Variants in TRMT9B observed in about 807,000 individuals in gnomAD.
TRMT9B encodes probable tRNA methyltransferase 9B.
Under a neutral mutation model 11.5 loss-of-function variants are expected in TRMT9B, and 16 were observed. The observed-to-expected ratio is 1.39, with a 90% confidence interval of 0.94 to 2.11. TRMT9B has a LOEUF of 2.11. Ranked by LOEUF, TRMT9B falls within the 30% of genes most tolerant of loss-of-function variation. The pLI is 0.00. For missense variants in TRMT9B, 941 were observed against 553.8 expected (o/e 1.70, Z -7.02); for synonymous variants, 274 against 192.4 (o/e 1.42, Z -3.51).
chr8:12,984,204 G>A (rs973640479), intron 1 of TRMT9B, among the ~76,000 whole-genome samples: 1 of 152,146 alleles, frequency 6.6e-6, no homozygotes, highest in African/African-American at 2.4e-5. Context: ...CATGAATTTT[G>A]TGTTTAGACT....
At chr8:13,008,107 C>T (rs1191929025) in intron 3 of TRMT9B, among the ~76,000 whole-genome samples, 1 of 152,146 alleles carries the variant, frequency 6.6e-6, no homozygotes, top group Non-Finnish European at 1.5e-5. Context: ...GTCAATTTAC[C>T]AATGTATAAG....
Position 13,029,438 on chromosome 8 carries a change from G to C in TRMT9B, c.*7394G>C, listed in dbSNP as rs1368423246. On this transcript the variant is annotated 3_prime_UTR_variant, in exon 5 of 5. Transcript: ENST00000524591. ...AATCAATAATGTTCAGGATCTTTTT[G>C]TAGTAAGTATATTTTAAATGGTGTA... is the stretch of plus-strand genomic sequence containing the variant. 1.2e-5 allele frequency: 2 copies of C among 166,978 alleles called. No individual in the cohort carries two copies. Among genetic ancestry groups the C allele is most frequent in the Admixed American group, 1.3e-4 (2 of 15,280 alleles). 10.3% of individuals were successfully genotyped at this position (166,978 alleles called of 1,614,324 possible).
At chr8:13,020,966 T>A (rs567270404) in intron 4 of TRMT9B, 42 bp from the exon 5 acceptor site, 2 of 1,329,230 alleles carry the variant, frequency 1.5e-6, no homozygotes, top group Non-Finnish European at 1.0e-6. Flanking sequence ...TGTGGGTTTA[T>A]GTGTGTGCAT....
At chr8:12,978,116 A>G (rs1174484547) in intron 1 of TRMT9B, among the ~76,000 whole-genome samples, 3 of 152,214 alleles carry the variant, frequency 2.0e-5, no homozygotes, top group African/African-American at 7.2e-5. Flanking sequence ...AGAGAAAGCA[A>G]ATAAGCTATA....
At chr8:12,950,582 A>G (rs1292661095) in intron 1 of TRMT9B, among the ~76,000 whole-genome samples, 1 of 133,650 alleles carries the variant, frequency 7.5e-6, no homozygotes, top group African/African-American at 2.8e-5. Context: ...TGAGGCCTTT[A>G]CAGAAAAAGA....
intron 1 of TRMT9B, among the ~76,000 whole-genome samples, chr8:12,955,595 A>T (rs1202452787): frequency 6.6e-6 from 1 of 152,124 alleles, no homozygotes; most frequent in African/African-American, 2.4e-5. Flanking sequence ...TGCGAATGTC[A>T]AATAGGCACA....
chr8:12,977,968 G>A (rs951946817), intron 1 of TRMT9B, among the ~76,000 whole-genome samples: 1 of 152,208 alleles, frequency 6.6e-6, no homozygotes, highest in African/African-American at 2.4e-5. Flanking sequence ...GGTCAAGGCT[G>A]CAGTGAGCTG....
intron 1 of TRMT9B, among the ~76,000 whole-genome samples, chr8:12,981,600 ATTTATTTT>A (rs1262422922): frequency 2.7e-5 from 4 of 149,754 alleles, no homozygotes; most frequent in African/African-American, 1.0e-4. Flanking sequence ...TTATTTATTT[ATTTATTTT>A]TTTTTGATAG....
chr8:13,004,567 A>G (rs1224799211), intron 2 of TRMT9B, among the ~76,000 whole-genome samples: 1 of 152,090 alleles, frequency 6.6e-6, no homozygotes, highest in African/African-American at 2.4e-5. Context: ...ACCCTGGGCC[A>G]GAAGGCAACC....
chr8:12,989,463 G>A lies in TRMT9B; in HGVS notation c.-199-1371G>A, dbSNP rs113721879. Among the ~76,000 whole-genome samples the A allele has an allele frequency of 1.0e-2, 1,516 of 152,266 alleles. 13 individuals carry two copies. Among genetic ancestry groups the A allele is most frequent in the Non-Finnish European group, 0.015 (989 of 68,028 alleles). On this transcript the variant is annotated intron_variant, in intron 1 of 4. Transcript: ENST00000524591. ...GGTGTTTTGGGTGCCTGATTTGGGC[G>A]TATAGACAAGCCTCCTGCCCAGGTA...
rs1376199865 is a variant in TRMT9B, at chr8:13,021,105, G to T, written c.426G>T (p.Trp142Cys). Residue 142 changes from tryptophan to cysteine, a missense_variant, in exon 5 of 5, where the codon TGG (tryptophan) becomes TGT (cysteine). Transcript: ENST00000524591. ...GAGGCCAACTGATGATTTACGTTTG[G>T]GCAATGGAACAAAAGAACCGTCACT... ...VPGGQLMIYV[W>C]AMEQKNRHFE... The T allele has an allele frequency of 6.2e-7, 1 of 1,611,538 alleles. No homozygotes were observed. Among genetic ancestry groups the T allele is most frequent in the Non-Finnish European group, 8.5e-7 (1 of 1,178,578 alleles).
intron 3 of TRMT9B, 107 bp downstream of exon 3, chr8:13,006,463 G>A (rs1810494587): frequency 1.3e-6 from 2 of 1,567,474 alleles, no homozygotes; most frequent in South Asian, 2.5e-5. Flanking sequence ...CAGCCTCATT[G>A]CTGTCATAGG....
At chr8:12,998,942 G>C (rs939224399) in intron 2 of TRMT9B, among the ~76,000 whole-genome samples, 2 of 152,102 alleles carry the variant, frequency 1.3e-5, no homozygotes, top group Non-Finnish European at 2.9e-5. Flanking sequence ...TGTGGCTGTT[G>C]GATATATATG....
rs138602880 is a variant in TRMT9B, at chr8:12,948,019, G to A, written c.-200+2053G>A. 2.4e-4 allele frequency among the ~76,000 whole-genome samples: 36 copies of A among 152,330 alleles called. No individual in the cohort carries two copies. In the East Asian group the frequency reaches 5.4e-3, roughly 23 times the overall value. On this transcript the variant is annotated intron_variant, in intron 1 of 4. Transcript: ENST00000524591. ...CTAATAAAGAAACTGAGTTAACTGA[G>A]AAAGGTCATAATAATATTATATAGT...
chr8:12,988,216 C>T (rs1352379242), intron 1 of TRMT9B, among the ~76,000 whole-genome samples: 1 of 152,288 alleles, frequency 6.6e-6, no homozygotes, highest in East Asian at 1.9e-4. Flanking sequence ...GGAGCCTTCA[C>T]TCCCCCTTCC....
At chr8:12,989,248 C>T (rs1248404938) in intron 1 of TRMT9B, among the ~76,000 whole-genome samples, 1 of 152,114 alleles carries the variant, frequency 6.6e-6, no homozygotes, top group Non-Finnish European at 1.5e-5. Flanking sequence ...AAATGTGTTT[C>T]TTTCAATACT....
chr8:12,968,232 T>C (rs1303522145), intron 1 of TRMT9B, among the ~76,000 whole-genome samples: 2 of 152,146 alleles, frequency 1.3e-5, no homozygotes, highest in Admixed American at 1.3e-4. Flanking sequence ...AAGACATACA[T>C]CCCAAGGGAC....
At chr8:12,972,845 C>T (rs760719719) in intron 1 of TRMT9B, among the ~76,000 whole-genome samples, 7 of 152,108 alleles carry the variant, frequency 4.6e-5, no homozygotes, top group Admixed American at 1.3e-4. Context: ...AATATAAAAA[C>T]GACCATTTAA....
At chr8:13,003,066 G>T (rs555233006) in intron 2 of TRMT9B, among the ~76,000 whole-genome samples, 1 of 152,220 alleles carries the variant, frequency 6.6e-6, no homozygotes, top group East Asian at 1.9e-4. Context: ...TGTGTCCTAA[G>T]TGCTGGGGAC....
Sources: gnomAD v4.1 joint callset for allele counts (sites outside exome capture counted in the v4.1 genomes callset) on GRCh38, gnomAD v4.1.1 for gene constraint, MANE v1.5 for transcripts, NCBI Gene and HGNC (gene_info 2026-07-23, HGNC 2026-07-21) for gene names.